Variants in BABAM2 observed in about 807,000 individuals in gnomAD.
BABAM2 encodes the protein BRISC and BRCA1 A complex member 2.
In BABAM2, 31 loss-of-function variants were observed where a neutral mutation model predicts 54.7. That is an observed-to-expected ratio of 0.57 (90% CI 0.43 to 0.77). The LOEUF is 0.77. Ranked by LOEUF, BABAM2 falls within the 30% of genes least tolerant of loss-of-function variation. The probability of loss-of-function intolerance (pLI) is 0.00; values close to 1 mark genes in which losing one functional copy is unlikely to be tolerated. For synonymous variants in BABAM2, 167 were observed against 162.9 expected (o/e 1.03, Z -0.19); for missense variants, 364 against 455.8 (o/e 0.80, Z 1.83).
chr2:28,065,505 A>G (rs1679246400), intron 6 of BABAM2, among the ~76,000 whole-genome samples: 1 of 152,164 alleles, frequency 6.6e-6, no homozygotes, highest in African/African-American at 2.4e-5. Context: ...GAGGGAAAGG[A>G]AACTACATCC....
At chr2:28,292,634 G>A (rs1687379562) in intron 10 of BABAM2, among the ~76,000 whole-genome samples, 1 of 152,138 alleles carries the variant, frequency 6.6e-6, no homozygotes, top group Non-Finnish European at 1.5e-5. Flanking sequence ...GTCACAAGAT[G>A]GGGCCTCAAC....
chr2:28,022,728 G>GAA (rs1296785507), intron 4 of BABAM2, among the ~76,000 whole-genome samples: 10 of 152,178 alleles, frequency 6.6e-5, no homozygotes, highest in African/African-American at 9.7e-5. Context: ...AATAGAGAGA[G>GAA]AAACACTTAT....
chr2:27,988,543 G>A (rs1190908339), intron 4 of BABAM2, among the ~76,000 whole-genome samples: 2 of 152,082 alleles, frequency 1.3e-5, no homozygotes, highest in South Asian at 2.1e-4. Flanking sequence ...CAGTATCTCA[G>A]TATTGTTATC....
At chr2:28,028,527 A>C (rs1442345086) in intron 5 of BABAM2, among the ~76,000 whole-genome samples, 1 of 152,150 alleles carries the variant, frequency 6.6e-6, no homozygotes, top group African/African-American at 2.4e-5. Flanking sequence ...CTTCATTGGA[A>C]TGTAAAATCT....
Position 27,935,891 on chromosome 2 carries a change from G to A in BABAM2, c.205+5983G>A, listed in dbSNP as rs184072892. Among the ~76,000 whole-genome samples the A allele has an allele frequency of 2.6e-5, 4 of 152,240 alleles. No homozygotes were observed. The East Asian group carries it at 5.8e-4, about 22-fold the overall frequency. ...ATTGTTAGCATTTTTTAGCAATTCA[G>A]TATTTTATTCTTATTTGTATTTTTA... On this transcript the variant is annotated intron_variant, in intron 3 of 11. Transcript: ENST00000379624.
At chr2:28,270,989 A>G (rs1174966265) in intron 10 of BABAM2, among the ~76,000 whole-genome samples, 1 of 152,198 alleles carries the variant, frequency 6.6e-6, no homozygotes, top group Admixed American at 6.5e-5. Flanking sequence ...GCAGGTCTAC[A>G]TGAGATGCAG....
At chr2:27,969,764 G>A (rs1671074444) in intron 3 of BABAM2, among the ~76,000 whole-genome samples, 1 of 152,162 alleles carries the variant, frequency 6.6e-6, no homozygotes, top group South Asian at 2.1e-4. Context: ...ACAACTGGGG[G>A]AGGGAAAAAG....
rs2148320367 is a variant in BABAM2 at position 28,325,719 on chromosome 2, T to C, written c.1089-12731T>C. Among the ~76,000 whole-genome samples the C allele has an allele frequency of 6.6e-6, 1 of 152,218 alleles. No individual in the cohort carries two copies. Among genetic ancestry groups the C allele is most frequent in the South Asian group, 2.1e-4 (1 of 4,812 alleles). On this transcript the variant is annotated intron_variant, in intron 11 of 11. Transcript: ENST00000379624. This position sits in a 1 kb window ranked among gnomAD's most constrained non-coding sequence, Gnocchi z 4.3. ...GCCATCTTGCTGCCCCTCCCCCACA[T>C]CCTCAAACACCCAGCCAGGGGGGTG...
intron 7 of BABAM2, among the ~76,000 whole-genome samples, chr2:28,231,854 C>CTAGAGTGCAGTGGTATAAGCATGGCACAT (rs1681432756): frequency 4.1e-5 from 5 of 122,402 alleles, no homozygotes; most frequent in African/African-American, 1.5e-4. Context: ...GTCACCCAGG[C>CTAGAGTGCAGTGGTATAAGCATGGCACAT]TAGAGTGCAG....
chr2:28,113,595 C>T (rs1668336581), intron 6 of BABAM2, among the ~76,000 whole-genome samples: 6 of 152,102 alleles, frequency 3.9e-5, no homozygotes, highest in Admixed American at 3.9e-4. Context: ...ATGCCTCCAG[C>T]TCTGTTCTTT....
intron 11 of BABAM2, among the ~76,000 whole-genome samples, chr2:28,299,314 AAT>A (rs1687933612): frequency 6.6e-6 from 1 of 152,224 alleles, no homozygotes; most frequent in Non-Finnish European, 1.5e-5. Flanking sequence ...AGAATAGGTA[AAT>A]ATAGAAATAT....
chr2:28,020,952 GACACACACACACACACAC>G (rs57086132), intron 4 of BABAM2, among the ~76,000 whole-genome samples: 4 of 144,412 alleles, frequency 2.8e-5, no homozygotes, highest in Non-Finnish European at 4.5e-5. Flanking sequence ...CTGTCTCTCT[GACACACACACACACACAC>G]ACACACACAC....
chr2:28,275,052 G>T (rs1685753723), intron 10 of BABAM2, among the ~76,000 whole-genome samples: 2 of 152,172 alleles, frequency 1.3e-5, no homozygotes, highest in African/African-American at 4.8e-5. Flanking sequence ...AGTCGGGAGG[G>T]ATTAGATGAC....
intron 6 of BABAM2, among the ~76,000 whole-genome samples, chr2:28,112,070 G>A (rs1668071382): frequency 7.1e-6 from 1 of 141,674 alleles, no homozygotes; most frequent in Non-Finnish European, 1.6e-5. Flanking sequence ...ACTTTTTCTT[G>A]AGATACCCAT....
At chr2:27,924,772 A>G (rs1343732311) in intron 2 of BABAM2, among the ~76,000 whole-genome samples, 1 of 152,194 alleles carries the variant, frequency 6.6e-6, no homozygotes, top group Non-Finnish European at 1.5e-5. Flanking sequence ...ACATGACCAA[A>G]CCAATTTTAG....
chr2:28,123,931 C>T (rs887365454), intron 6 of BABAM2, among the ~76,000 whole-genome samples: 27 of 152,112 alleles, frequency 1.8e-4, no homozygotes, highest in African/African-American at 5.6e-4. Flanking sequence ...TAAGCATTTC[C>T]GCTCTTTATT....
chr2:28,142,699 C>T (rs1671165842), intron 7 of BABAM2, among the ~76,000 whole-genome samples: 1 of 151,958 alleles, frequency 6.6e-6, no homozygotes. Context: ...TTTTCATTTC[C>T]TCCTCTGACC....
intron 6 of BABAM2, among the ~76,000 whole-genome samples, chr2:28,120,167 G>A (rs115909175): frequency 0.011 from 1,620 of 152,222 alleles, 6 homozygotes; most frequent in South Asian, 0.035. Context: ...TCTAAAAGTA[G>A]ACATTAAAAC....
At chr2:27,997,115 G>A (rs1673212884) in intron 4 of BABAM2, among the ~76,000 whole-genome samples, 1 of 152,038 alleles carries the variant, frequency 6.6e-6, no homozygotes, top group African/African-American at 2.4e-5. Context: ...AAAAATGTTT[G>A]ATATTAATAA....
Sources: allele counts gnomAD v4.1 joint callset (sites outside exome capture counted in the v4.1 genomes callset), GRCh38; gene constraint gnomAD v4.1.1; non-coding constraint Gnocchi (gnomAD v3.1); transcripts MANE v1.5; gene names NCBI Gene and HGNC (gene_info 2026-07-23, HGNC 2026-07-21).